CEP192: variants seen among roughly 807,000 people sequenced by gnomAD.
The protein encoded by CEP192 is centrosomal protein 192.
A neutral mutation model predicts 271.8 loss-of-function variants in CEP192; 151 were observed. The ratio of observed to expected loss-of-function variants is 0.56; its 90% CI spans 0.49 to 0.64. CEP192 has a LOEUF of 0.64. Ranked by LOEUF, CEP192 falls within the 30% of genes least tolerant of loss-of-function variation. CEP192 has a pLI of 0.00. For missense variants in CEP192, 2,910 were observed against 3,020.5 expected, an observed-to-expected ratio of 0.96 and a Z score of 0.86; for synonymous variants, 995 against 1,076.5, an observed-to-expected ratio of 0.92 and a Z score of 1.48.
chr18:13,027,943 T>C (rs1477679647), intron 9 of CEP192, among the ~76,000 whole-genome samples: 1 of 152,204 alleles, frequency 6.6e-6, no homozygotes. Context: ...AATGTGTGTA[T>C]GAGCTTCCTA....
intron 18 of CEP192, among the ~76,000 whole-genome samples, chr18:13,054,016 T>TG (rs2036949727): frequency 6.6e-6 from 1 of 152,082 alleles, no homozygotes; most frequent in South Asian, 2.1e-4. Flanking sequence ...TTTTTAGAGA[T>TG]GGGGTCTTGC....
intron 15 of CEP192, among the ~76,000 whole-genome samples, chr18:13,046,179 C>T (rs561763086): frequency 1.3e-4 from 20 of 152,262 alleles, no homozygotes; most frequent in African/African-American, 4.3e-4. Context: ...CGGGAGCAGG[C>T]ATGTCACATG....
chr18:13,055,585 A>G (rs1238921344), intron 18 of CEP192, among the ~76,000 whole-genome samples, 195 bp from the exon 19 acceptor site: 1 of 152,230 alleles, frequency 6.6e-6, no homozygotes, highest in Admixed American at 6.5e-5. Flanking sequence ...TCTTTTTACA[A>G]AACAACAAGC....
At chr18:13,057,065 C>G (rs9948292) in intron 19 of CEP192, among the ~76,000 whole-genome samples, 1 of 152,112 alleles carries the variant, frequency 6.6e-6, no homozygotes. Context: ...GCAGCACTCT[C>G]GGGTGCATTT....
intron 9 of CEP192, among the ~76,000 whole-genome samples, chr18:13,028,235 T>G (rs1428146251): frequency 6.6e-6 from 1 of 152,182 alleles, no homozygotes; most frequent in Non-Finnish European, 1.5e-5. Context: ...CAGACATTGG[T>G]CATTGTGATT....
intron 30 of CEP192, among the ~76,000 whole-genome samples, chr18:13,081,587 C>G (rs1337382936): frequency 6.6e-6 from 1 of 152,168 alleles, no homozygotes; most frequent in East Asian, 1.9e-4. Flanking sequence ...AAAAAACCAG[C>G]TCCTGGATTC....
intron 36 of CEP192, among the ~76,000 whole-genome samples, chr18:13,099,247 T>A (rs2039589988): frequency 6.6e-6 from 1 of 151,808 alleles, no homozygotes; most frequent in Non-Finnish European, 1.5e-5. Context: ...AGTTTTGCCC[T>A]TGCGTCATGG....
intron 30 of CEP192, 138 bp downstream of exon 30, chr18:13,073,323 A>G: frequency 1.3e-6 from 1 of 754,556 alleles, no homozygotes; most frequent in Non-Finnish European, 2.1e-6. Context: ...CAAGTTAGGG[A>G]GTAATTTATA....
In CEP192 at chr18:13,113,725, T is replaced by A. The variant is rs766575537; in HGVS notation, c.7167+20T>A. ...GGACAAGTGAGTAGTACACTGAATT[T>A]AAGTAAATTATTGTATGTATTTTAA... On this transcript the variant is annotated intron_variant, in intron 41 of 44. Transcript: ENST00000506447. The A allele has an allele frequency of 6.3e-7, 1 of 1,576,798 alleles. No homozygotes were observed. Among genetic ancestry groups the A allele is most frequent in the South Asian group, 1.2e-5 (1 of 84,608 alleles).
At chr18:13,089,675 A>G (rs754381735) in intron 33 of CEP192, 110 bp downstream of exon 33, 4 of 587,094 alleles carry the variant, frequency 6.8e-6, no homozygotes, top group Non-Finnish European at 1.2e-5. Context: ...ATGCAGTGTC[A>G]GGCAGAGTTT....
intron 34 of CEP192, among the ~76,000 whole-genome samples, chr18:13,094,131 C>T (rs1342003472): frequency 6.6e-6 from 1 of 152,134 alleles, no homozygotes; most frequent in Non-Finnish European, 1.5e-5. Context: ...AGGCAGTGTA[C>T]AGTGCTGATT....
intron 38 of CEP192, among the ~76,000 whole-genome samples, chr18:13,102,505 C>T (rs772994684): frequency 6.6e-6 from 1 of 152,184 alleles, no homozygotes; most frequent in Non-Finnish European, 1.5e-5. Context: ...GCCCTCACTT[C>T]CTTAGGCCAT....
At chr18:13,052,334 A>G (rs1275877010) in intron 17 of CEP192, among the ~76,000 whole-genome samples, 1 of 152,232 alleles carries the variant, frequency 6.6e-6, no homozygotes, top group Non-Finnish European at 1.5e-5. Context: ...TCTGTAGCTC[A>G]GTTCCTCCTG....
rs568512400 is a variant in CEP192 at position 13,024,651 on chromosome 18, C to T, written c.1051-5012C>T. ...CTAATTTTTGTATTTTTAGTGGAGA[C>T]GGGGTTTCACCATGTTGGCCAGGAT... is the stretch of plus-strand genomic sequence containing the variant. On this transcript the variant is annotated intron_variant, in intron 9 of 44. Coordinates refer to ENST00000506447, the MANE Select transcript of CEP192 (RefSeq NM_032142.4). Among the ~76,000 whole-genome samples the T allele has an allele frequency of 7.9e-5, 12 of 151,858 alleles. No individual in the cohort carries two copies. The East Asian group carries it at 1.2e-3, about 15-fold the overall frequency.
At chr18:13,088,841 C>A in intron 32 of CEP192, 1 of 428,854 alleles carries the variant, frequency 2.3e-6, no homozygotes, top group Non-Finnish European at 4.7e-6. Flanking sequence ...TGCCTTTGAA[C>A]CTGGTTTTGT....
chr18:12,993,454 C>G (rs1568247577), intron 1 of CEP192, among the ~76,000 whole-genome samples: 1 of 152,166 alleles, frequency 6.6e-6, no homozygotes, highest in Non-Finnish European at 1.5e-5. Context: ...GTAGTATTTA[C>G]ATATAACTGA....
chr18:13,065,011 A>G (rs1315252368), intron 21 of CEP192, among the ~76,000 whole-genome samples: 1 of 152,034 alleles, frequency 6.6e-6, no homozygotes, highest in African/African-American at 2.4e-5. Flanking sequence ...GATTAAGTTA[A>G]TTCCTGGGTA....
At chr18:13,114,025 CT>C (rs2040322746) in intron 41 of CEP192, 104 bp from the exon 42 acceptor site, 1 of 1,349,942 alleles carries the variant, frequency 7.4e-7, no homozygotes, top group Non-Finnish European at 1.0e-6. Flanking sequence ...CTTAAATTGC[CT>C]TTTAAAAATT....
chr18:13,122,327 C>T (rs1237380027), intron 44 of CEP192, among the ~76,000 whole-genome samples: 1 of 152,208 alleles, frequency 6.6e-6, no homozygotes, highest in Non-Finnish European at 1.5e-5. Flanking sequence ...GAGGCTGAGG[C>T]AGAAGAATCG....
Sources: allele counts gnomAD v4.1 joint callset (sites outside exome capture counted in the v4.1 genomes callset), GRCh38; gene constraint gnomAD v4.1.1; transcripts MANE v1.5; gene names NCBI Gene and HGNC (gene_info 2026-07-23, HGNC 2026-07-21).